SYN2: variants seen among roughly 807,000 people sequenced by gnomAD.
The protein encoded by SYN2 is synapsin II.
SYN2 carries 19 observed loss-of-function variants against 50.9 expected under a neutral mutation model. That is an observed-to-expected ratio of 0.37 (90% CI 0.26 to 0.55). SYN2 has a LOEUF of 0.55. Ranked by LOEUF, SYN2 falls within the 20% of genes least tolerant of loss-of-function variation. SYN2 has a pLI of 0.81. For synonymous variants in SYN2, 255 were observed against 224.9 expected (o/e 1.13, Z -1.20); for missense variants, 587 against 576.4 (o/e 1.02, Z -0.19).
At chr3:12,073,621 A>T (rs1695409492) in intron 1 of SYN2, among the ~76,000 whole-genome samples, 1 of 152,198 alleles carries the variant, frequency 6.6e-6, no homozygotes, top group South Asian at 2.1e-4. Context: ...GGAGGTAAAA[A>T]GTTAACTATT....
chr3:12,054,170 A>G (rs1455757213), intron 1 of SYN2, among the ~76,000 whole-genome samples: 1 of 152,196 alleles, frequency 6.6e-6, no homozygotes, highest in Non-Finnish European at 1.5e-5. Flanking sequence ...CATGTGGGCT[A>G]TCCTGAAAAC....
At chr3:12,022,952 TAGAATGC>T (rs974151931) in intron 1 of SYN2, among the ~76,000 whole-genome samples, 4 of 152,050 alleles carry the variant, frequency 2.6e-5, no homozygotes, top group African/African-American at 9.7e-5. Context: ...AGATAGAATG[TAGAATGC>T]ACACCCGGTG....
chr3:12,060,977 C>T (rs541785795), intron 1 of SYN2, among the ~76,000 whole-genome samples: 39 of 152,094 alleles, frequency 2.6e-4, no homozygotes, highest in African/African-American at 8.9e-4. Context: ...ATATGGTAAA[C>T]GCTCTGATGG....
At chr3:12,127,953 A>ATT (rs35724854) in intron 1 of SYN2, among the ~76,000 whole-genome samples, 1 of 149,624 alleles carries the variant, frequency 6.7e-6, no homozygotes, top group Non-Finnish European at 1.5e-5. Context: ...AGCTGTTTAC[A>ATT]TTTTTTTTTT....
chr3:12,026,668 A>G (rs949746509), intron 1 of SYN2, among the ~76,000 whole-genome samples: 1 of 152,176 alleles, frequency 6.6e-6, no homozygotes. Flanking sequence ...TGGTGCGGAT[A>G]TTGTGTGTGA....
chr3:12,148,525 G>T (rs1697205572), intron 4 of SYN2: 1 of 152,202 alleles, frequency 6.6e-6, no homozygotes, highest in Non-Finnish European at 1.5e-5. Context: ...GTTGGAAAAG[G>T]CTCTGCCTTG....
intron 1 of SYN2, among the ~76,000 whole-genome samples, chr3:12,113,460 T>A (rs1057254903): frequency 2.6e-5 from 4 of 152,158 alleles, no homozygotes; most frequent in African/African-American, 9.7e-5. Context: ...TGAGGTACTA[T>A]TCACAAAATA....
chr3:12,011,214 A>C (rs1163509504), intron 1 of SYN2, among the ~76,000 whole-genome samples: 3 of 152,220 alleles, frequency 2.0e-5, no homozygotes, highest in Non-Finnish European at 4.4e-5. Context: ...TATTTAAATG[A>C]ATTGTGGAAA....
chr3:12,120,260 T>A (rs1033832326), intron 1 of SYN2, among the ~76,000 whole-genome samples: 6 of 152,156 alleles, frequency 3.9e-5, no homozygotes, highest in Admixed American at 6.5e-5. Context: ...AGGTTTCCTT[T>A]CCAGGTCAGC....
chr3:12,118,643 A>G (rs2125200492), intron 1 of SYN2, among the ~76,000 whole-genome samples: 1 of 152,256 alleles, frequency 6.6e-6, no homozygotes, highest in South Asian at 2.1e-4. Flanking sequence ...ACCTCATATA[A>G]GTTGTATTTT....
chr3:12,030,511 A>G (rs1388473523), intron 1 of SYN2, among the ~76,000 whole-genome samples: 1 of 149,768 alleles, frequency 6.7e-6, no homozygotes, highest in Non-Finnish European at 1.5e-5. Flanking sequence ...CTGGTCCTTG[A>G]CTCTTTTTGG....
intron 7 of SYN2, among the ~76,000 whole-genome samples, chr3:12,163,119 C>G (rs953060300): frequency 1.3e-5 from 2 of 151,382 alleles, no homozygotes; most frequent in Non-Finnish European, 1.5e-5. Flanking sequence ...GTGGGCGCCT[C>G]TAGTCCCAGC....
chr3:12,015,685 A>C (rs1029529287), intron 1 of SYN2, among the ~76,000 whole-genome samples: 1 of 152,038 alleles, frequency 6.6e-6, no homozygotes, highest in Non-Finnish European at 1.5e-5. Flanking sequence ...TCCCTCATTC[A>C]CCCTTGTCTG....
rs114809562 is a variant in SYN2, at chr3:12,005,235, G to T, written c.377+307G>T. ...GCCCTTAGGAAATAGTTTTTTTGGG[G>T]GTAGAGGAGGGGACACACTTGTTAG... On this transcript the variant is annotated intron_variant, in intron 1 of 12. Transcript: ENST00000621198. Among the ~76,000 whole-genome samples the T allele has an allele frequency of 4.5e-3, 687 of 152,212 alleles. 5 individuals are homozygous for T. The highest frequency in any genetic ancestry group is 0.016 in the African/African-American group (666 of 41,532).
At chr3:12,158,654 T>A (rs749489065) in intron 5 of SYN2, 1 of 1,603,376 alleles carries the variant, frequency 6.2e-7, no homozygotes, top group Non-Finnish European at 8.5e-7. Flanking sequence ...CAGATACTAA[T>A]CCCCCACAAC....
At chr3:12,179,693 G>A (rs904854017) in intron 10 of SYN2, among the ~76,000 whole-genome samples, 3 of 152,100 alleles carry the variant, frequency 2.0e-5, no homozygotes, top group Non-Finnish European at 2.9e-5. Flanking sequence ...TTGTCATTTC[G>A]AGACTTCTAA....
At chr3:12,149,467 G>A (rs984776157) in intron 4 of SYN2, among the ~76,000 whole-genome samples, 1 of 152,204 alleles carries the variant, frequency 6.6e-6, no homozygotes, top group Non-Finnish European at 1.5e-5. Flanking sequence ...GACCAAAGTC[G>A]GTGAGGACAG....
chr3:12,090,702 A>T (rs1695807462), intron 1 of SYN2, among the ~76,000 whole-genome samples: 1 of 152,200 alleles, frequency 6.6e-6, no homozygotes, highest in Non-Finnish European at 1.5e-5. Context: ...CAAGAGCTTG[A>T]TGTGAAACTC....
intron 8 of SYN2, 92 bp from the exon 9 acceptor site, chr3:12,168,284 G>T: frequency 1.1e-6 from 1 of 948,724 alleles, no homozygotes; most frequent in Non-Finnish European, 1.7e-6. Context: ...GGAGGTGGGA[G>T]AGATGGAGGC....
Sources: allele counts gnomAD v4.1 joint callset (sites outside exome capture counted in the v4.1 genomes callset), GRCh38; gene constraint gnomAD v4.1.1; transcripts MANE v1.5; gene names NCBI Gene and HGNC (gene_info 2026-07-23, HGNC 2026-07-21).